SLC5A4: variants seen among roughly 807,000 people sequenced by gnomAD.
The protein encoded by SLC5A4 is probable glucose sensor protein SLC5A4.
Under a neutral mutation model 70.3 loss-of-function variants are expected in SLC5A4, and 55 were observed. That is an observed-to-expected ratio of 0.78 (90% confidence interval 0.63 to 0.98). The LOEUF (loss-of-function observed/expected upper bound fraction) is 0.98. SLC5A4 is among the 50% of genes least tolerant of loss of function. The probability of loss-of-function intolerance (pLI) is 0.00; values close to 1 mark genes in which losing one functional copy is unlikely to be tolerated. For missense variants in SLC5A4, 735 were observed against 839.2 expected (o/e 0.88, Z 1.53); for synonymous variants, 268 against 305.7 (o/e 0.88, Z 1.29).
At chr22:32,306,676 CTT>C in the SLC5A4 span, among the ~76,000 whole-genome samples, 1 of 152,150 alleles carries the variant, frequency 6.6e-6, no homozygotes, top group Non-Finnish European at 1.5e-5. Flanking sequence ...GCTGTATGCC[CTT>C]GTCTGGCTGG....
chr22:32,279,189 T>C, the SLC5A4 span, among the ~76,000 whole-genome samples: 1 of 152,210 alleles, frequency 6.6e-6, no homozygotes, highest in African/African-American at 2.4e-5. Context: ...GGCAGGAGAA[T>C]GGCGTGAACC....
chr22:32,333,246 G>T, the SLC5A4 span, among the ~76,000 whole-genome samples: 2 of 148,096 alleles, frequency 1.4e-5, no homozygotes, highest in African/African-American at 5.0e-5. Context: ...CAGTCCAGTG[G>T]AAACAGGCCA....
the SLC5A4 span, among the ~76,000 whole-genome samples, chr22:32,347,405 C>T: frequency 1.4e-4 from 22 of 151,984 alleles, no homozygotes; most frequent in African/African-American, 3.9e-4. Context: ...CACATGCACA[C>T]GTATGTTTAT....
intron 5 of SLC5A4, among the ~76,000 whole-genome samples, chr22:32,240,893 A>C (rs73164050): frequency 0.025 from 3,834 of 152,324 alleles, 78 homozygotes; most frequent in Admixed American, 0.056. Context: ...ACTTAGTGAA[A>C]TATGTGGGGA....
At chr22:32,294,652 C>G in the SLC5A4 span, among the ~76,000 whole-genome samples, 3 of 131,800 alleles carry the variant, frequency 2.3e-5, no homozygotes, top group South Asian at 5.5e-4. Flanking sequence ...TATATAAATA[C>G]AATGGTGGTT....
chr22:32,298,362 G>A, the SLC5A4 span, among the ~76,000 whole-genome samples: 1 of 145,562 alleles, frequency 6.9e-6, no homozygotes, highest in East Asian at 2.1e-4. Context: ...TATATATTTA[G>A]GATAGTTAGG....
At chr22:32,241,480 ATAGT>A (rs903714521) in intron 5 of SLC5A4, among the ~76,000 whole-genome samples, 1 of 152,216 alleles carries the variant, frequency 6.6e-6, no homozygotes, top group Non-Finnish European at 1.5e-5. Flanking sequence ...TTCTGAATTC[ATAGT>A]TTGTTTTTTT....
At chr22:32,307,240 A>G in the SLC5A4 span, among the ~76,000 whole-genome samples, 1 of 152,158 alleles carries the variant, frequency 6.6e-6, no homozygotes, top group Non-Finnish European at 1.5e-5. Flanking sequence ...TGATGTGAAG[A>G]TAGGAGTTTT....
chr22:32,310,057 G>A, the SLC5A4 span, among the ~76,000 whole-genome samples: 1 of 149,240 alleles, frequency 6.7e-6, no homozygotes, highest in Non-Finnish European at 1.5e-5. Context: ...AGCGGGGTGG[G>A]GAGGGGGGAG....
At position 32,223,826 on chromosome 22, in the gene SLC5A4, C is replaced by A. The variant is rs553582661; in HGVS notation, c.1665+441G>T. Among the ~76,000 whole-genome samples, 7 of 152,314 alleles carry A rather than the reference C, an allele frequency of 4.6e-5. No homozygotes were observed. In the East Asian group the frequency reaches 1.3e-3, roughly 29 times the overall value. On this transcript the variant is annotated intron_variant, in intron 13 of 14. Coordinates refer to ENST00000266086, the MANE Select transcript of SLC5A4 (RefSeq NM_014227.3). ...ACTAGGTGCAAATTGTTCTTTATTTCAGTGACTGAATGATAATCTCTTAGG... is the reference window on the plus strand; with the variant it reads ...ACTAGGTGCAAATTGTTCTTTATTTAAGTGACTGAATGATAATCTCTTAGG...
intron 1 of SLC5A4, 108 bp downstream of exon 1, chr22:32,255,087 C>G: frequency 9.7e-7 from 1 of 1,027,842 alleles, no homozygotes; most frequent in Non-Finnish European, 1.5e-6. Context: ...ATTCTGATAA[C>G]ACAATGACAT....
chr22:32,225,664 G>A lies in SLC5A4; in HGVS notation c.1440C>T (p.Val480=). The change falls in exon 12 of 15, where the codon GTC becomes GTT. Residue 480 remains valine, a synonymous_variant. Coordinates refer to ENST00000266086, the MANE Select transcript of SLC5A4 (RefSeq NM_014227.3). ...TCCAGTTTTCACTCACCTGTTCATT[G>A]ACTCTTTTACAGAAGATGGCAAGCA... ...VFVLAIFCKR[V]NEQGAFWGLM... The A allele has an allele frequency of 6.2e-7, 1 of 1,607,268 alleles. No individual in the cohort carries two copies. The highest frequency in any genetic ancestry group is 8.5e-7 in the Non-Finnish European group (1 of 1,177,388).
chr22:32,258,616 C>T (rs947241201), upstream of SLC5A4, among the ~76,000 whole-genome samples: 4 of 152,060 alleles, frequency 2.6e-5, no homozygotes, highest in African/African-American at 9.7e-5. Context: ...GAAATTGGAA[C>T]CCTTGTACAC....
At chr22:32,317,878 AC>A in the SLC5A4 span, among the ~76,000 whole-genome samples, 1 of 152,168 alleles carries the variant, frequency 6.6e-6, no homozygotes, top group Non-Finnish European at 1.5e-5. Flanking sequence ...GATTCTCTGC[AC>A]TTTTGCTCTC....
the SLC5A4 span, among the ~76,000 whole-genome samples, chr22:32,283,686 T>C: frequency 6.6e-6 from 1 of 152,236 alleles, no homozygotes; most frequent in Admixed American, 6.5e-5. Context: ...TAAAATGAGG[T>C]AAGATAATTA....
chr22:32,334,069 C>T, the SLC5A4 span, among the ~76,000 whole-genome samples: 1 of 151,200 alleles, frequency 6.6e-6, no homozygotes, highest in African/African-American at 2.4e-5. Context: ...ACAATATACA[C>T]ACACTATGCC....
At chr22:32,266,362 G>C in the SLC5A4 span, among the ~76,000 whole-genome samples, 2 of 152,242 alleles carry the variant, frequency 1.3e-5, no homozygotes, top group Non-Finnish European at 2.9e-5. Flanking sequence ...CCTGGAGACA[G>C]GGAAGAGGGA....
At chr22:32,274,865 C>A in the SLC5A4 span, among the ~76,000 whole-genome samples, 1 of 152,194 alleles carries the variant, frequency 6.6e-6, no homozygotes, top group Admixed American at 6.5e-5. Context: ...CAATGATTTT[C>A]TTAAAACTGA....
chr22:32,260,389 G>C, the SLC5A4 span, among the ~76,000 whole-genome samples: 1 of 151,946 alleles, frequency 6.6e-6, no homozygotes, highest in Non-Finnish European at 1.5e-5. Flanking sequence ...TTAGAGAAAA[G>C]ATTGTATTTT....
Sources: gnomAD v4.1 joint callset for allele counts (sites outside exome capture counted in the v4.1 genomes callset) on GRCh38, gnomAD v4.1.1 for gene constraint, MANE v1.5 for transcripts, NCBI Gene and HGNC (gene_info 2026-07-23, HGNC 2026-07-21) for gene names.